INPP5A: variants seen among roughly 807,000 people sequenced by gnomAD.
INPP5A encodes the protein 43 kDa inositol polyphosphate 5-phophatase.
INPP5A carries 14 observed loss-of-function variants against 65.2 expected under a neutral mutation model. The ratio of observed to expected loss-of-function variants is 0.21; its 90% CI spans 0.14 to 0.34. The LOEUF (loss-of-function observed/expected upper bound fraction) is 0.34. INPP5A is among the 10% of genes least tolerant of loss of function. INPP5A has a pLI of 1.00. For missense variants in INPP5A, 431 were observed against 545.6 expected, an observed-to-expected ratio of 0.79 and a Z score of 2.09; for synonymous variants, 207 against 208.3, an observed-to-expected ratio of 0.99 and a Z score of 0.05.
At chr10:132,736,725 G>A (rs983498361) in intron 9 of INPP5A, among the ~76,000 whole-genome samples, 3 of 152,244 alleles carry the variant, frequency 2.0e-5, no homozygotes, top group African/African-American at 7.2e-5. Flanking sequence ...CATTCCTGGC[G>A]CCCAGGCGTC....
chr10:132,565,065 G>A (rs2071256252), intron 1 of INPP5A, among the ~76,000 whole-genome samples: 1 of 152,226 alleles, frequency 6.6e-6, no homozygotes. Context: ...TTTATAGAGT[G>A]AGATGGTACA....
chr10:132,715,975 CTG>C (rs768703250), intron 8 of INPP5A, among the ~76,000 whole-genome samples: 37 of 152,264 alleles, frequency 2.4e-4, no homozygotes, highest in Non-Finnish European at 4.3e-4. Context: ...CCCGCTGCCT[CTG>C]TGTCGCCTTA....
At chr10:132,690,935 C>G (rs1048248455) in intron 5 of INPP5A, among the ~76,000 whole-genome samples, 1 of 152,210 alleles carries the variant, frequency 6.6e-6, no homozygotes, top group Non-Finnish European at 1.5e-5. Context: ...GGTGCGTGAG[C>G]TAGGCCGGGT....
At chr10:132,773,387 A>G (rs766920879) in intron 12 of INPP5A, among the ~76,000 whole-genome samples, 11 of 152,178 alleles carry the variant, frequency 7.2e-5, no homozygotes, top group Non-Finnish European at 1.3e-4. Flanking sequence ...ACACAAAAAT[A>G]TACGCAACAC....
rs2072969451 is a variant in INPP5A, at chr10:132,676,747, C to T, written c.307-13645C>T. On this transcript the variant is annotated intron_variant, in intron 4 of 15. Transcript: ENST00000368594. This position sits in a 1 kb window ranked among gnomAD's most constrained non-coding sequence, Gnocchi z 4.0. ...TTCCGTCCTAGTCCCTGACCGGCCC[C>T]TCCTGTTTCCCCCGTGGCTCCTTGC... 1.3e-5 allele frequency among the ~76,000 whole-genome samples: 2 copies of T among 152,364 alleles called. No homozygotes were observed. Among genetic ancestry groups the T allele is most frequent in the South Asian group, 4.1e-4 (2 of 4,832 alleles).
chr10:132,538,136 C>T lies in INPP5A; in HGVS notation c.40C>T (p.Leu14=). The T allele has an allele frequency of 7.9e-7, 1 of 1,269,598 alleles. No individual in the cohort carries two copies. The highest frequency in any genetic ancestry group is 3.1e-5 in the East Asian group (1 of 31,908). 78.6% of individuals were successfully genotyped at this position (1,269,598 alleles called of 1,614,324 possible). ...GGCCGCCCCGGGCACCGCGGTGCTG[C>T]TGGTCACGGCCAACGTGGGCTCGCT... ...KAAAPGTAVL[L]VTANVGSLFD... is the part of the protein sequence containing the mutation. The change falls in exon 1 of 16, where the codon CTG becomes TTG. Residue 14 remains leucine (L), a synonymous_variant. Coordinates refer to ENST00000368594, the MANE Select transcript of INPP5A (RefSeq NM_005539.5). The surrounding 1 kb of genome is among the most constrained non-coding windows in gnomAD (Gnocchi z 4.1).
rs1293254570 is a variant in INPP5A at position 132,753,396 on chromosome 10, C to T, written c.903+3551C>T. Among the ~76,000 whole-genome samples the T allele has an allele frequency of 4.6e-5, 7 of 152,202 alleles. No individual in the cohort carries two copies. Among genetic ancestry groups the T allele is most frequent in the African/African-American group, 1.4e-4 (6 of 41,446 alleles). ...CAAGTCCATTGCATCCTTCATCAAC[C>T]GCCGGTCTTGTACCCGTCTGACAGA... On this transcript the variant is annotated intron_variant, in intron 11 of 15. Transcript: ENST00000368594. This position sits in a 1 kb window ranked among gnomAD's most constrained non-coding sequence, Gnocchi z 5.3.
At chr10:132,777,988 A>G (rs1847093529) in intron 13 of INPP5A, 5 of 1,373,752 alleles carry the variant, frequency 3.6e-6, no homozygotes, top group South Asian at 1.6e-5. Context: ...GCAGCAGCAG[A>G]TGGAGCCGAG....
At chr10:132,765,958 GTGTGTGCATTC>G (rs1414828347) in intron 12 of INPP5A, 112 bp downstream of exon 12, 9 of 723,784 alleles carry the variant, frequency 1.2e-5, no homozygotes, top group Admixed American at 1.9e-5. Context: ...CTGGGCATGA[GTGTGTGCATTC>G]TGTGTGCATC....
chr10:132,600,350 G>A (rs578113566), intron 1 of INPP5A, among the ~76,000 whole-genome samples: 12 of 152,328 alleles, frequency 7.9e-5, no homozygotes, highest in Non-Finnish European at 1.3e-4. Flanking sequence ...AATGCTGCCA[G>A]TCTCTTTGCT....
chr10:132,589,160 C>G (rs544694247), intron 1 of INPP5A, among the ~76,000 whole-genome samples: 1 of 152,234 alleles, frequency 6.6e-6, no homozygotes, highest in Non-Finnish European at 1.5e-5. Flanking sequence ...ATCTGCGCCA[C>G]GTGCAGGGTT....
intron 12 of INPP5A, among the ~76,000 whole-genome samples, chr10:132,773,544 T>C (rs1846992401): frequency 6.6e-6 from 1 of 152,172 alleles, no homozygotes; most frequent in Non-Finnish European, 1.5e-5. Context: ...GTATTTATAG[T>C]GTAATAATTA....
At chr10:132,734,397 C>T (rs1176974883) in intron 9 of INPP5A, among the ~76,000 whole-genome samples, 4 of 152,232 alleles carry the variant, frequency 2.6e-5, no homozygotes, top group African/African-American at 9.6e-5. Flanking sequence ...GTCCAGCCTC[C>T]AGTGTCTTTG....
chr10:132,578,332 G>A (rs1403217402), intron 1 of INPP5A, among the ~76,000 whole-genome samples: 1 of 152,186 alleles, frequency 6.6e-6, no homozygotes, highest in Non-Finnish European at 1.5e-5. Context: ...TGTAGCACAA[G>A]CCCGAGCCTT....
chr10:132,647,128 T>C (rs900352182), intron 3 of INPP5A, among the ~76,000 whole-genome samples: 3 of 151,774 alleles, frequency 2.0e-5, no homozygotes, highest in African/African-American at 7.3e-5. Context: ...TTTTTTTTTT[T>C]GTTTTGAGAC....
chr10:132,719,594 G>A (rs1489935296), intron 8 of INPP5A, among the ~76,000 whole-genome samples: 1 of 140,538 alleles, frequency 7.1e-6, no homozygotes, highest in Admixed American at 7.1e-5. Flanking sequence ...GGGTTCTGTG[G>A]TGCCTGGGTT....
At chr10:132,779,350 C>T (rs1847118970) in intron 13 of INPP5A, among the ~76,000 whole-genome samples, 1 of 152,258 alleles carries the variant, frequency 6.6e-6, no homozygotes, top group Admixed American at 6.5e-5. Context: ...CCCAGGGCTG[C>T]CACCAGCGGG....
intron 5 of INPP5A, 101 bp downstream of exon 5, chr10:132,690,556 C>G (rs1845242227): frequency 3.4e-6 from 3 of 869,980 alleles, no homozygotes; most frequent in African/African-American, 1.7e-5. Context: ...TGAGTGGCCA[C>G]TGTGGGCTGG....
chr10:132,750,539 C>G (rs1333912495), intron 11 of INPP5A, among the ~76,000 whole-genome samples: 1 of 152,212 alleles, frequency 6.6e-6, no homozygotes, highest in Non-Finnish European at 1.5e-5. Flanking sequence ...GGCCTACACA[C>G]TCTCTTTACA....
Sources: allele counts gnomAD v4.1 joint callset (sites outside exome capture counted in the v4.1 genomes callset), GRCh38; gene constraint gnomAD v4.1.1; non-coding constraint Gnocchi (gnomAD v3.1); transcripts MANE v1.5; gene names NCBI Gene and HGNC (gene_info 2026-07-23, HGNC 2026-07-21).